Variants in IFIT3 observed in about 807,000 individuals in gnomAD.
IFIT3 encodes interferon induced protein with tetratricopeptide repeats 3.
IFIT3 carries 2 observed loss-of-function variants against 2.4 expected under a neutral mutation model. The ratio of observed to expected loss-of-function variants is 0.82; its 90% CI spans 0.34 to 2.60. IFIT3 has a LOEUF of 2.60. Among genes scored for constraint, IFIT3 ranks in the 30% most tolerant of loss-of-function variants. IFIT3 has a pLI of 0.11. For missense variants in IFIT3, 481 were observed against 562.4 expected, an observed-to-expected ratio of 0.86 and a Z score of 1.46; for synonymous variants, 203 against 212.1, an observed-to-expected ratio of 0.96 and a Z score of 0.37.
intron 1 of IFIT3, chr10:89,332,587 AC>A: frequency 6.2e-7 from 1 of 1,613,926 alleles, no homozygotes; most frequent in Non-Finnish European, 8.5e-7. Flanking sequence ...ATCAACCGGG[AC>A]CCCAGCTTTT....
intron 1 of IFIT3, among the ~76,000 whole-genome samples, chr10:89,333,292 A>C (rs915172490): frequency 5.3e-5 from 8 of 152,212 alleles, no homozygotes; most frequent in African/African-American, 1.9e-4. Context: ...AATAGAATGC[A>C]AATTTCTAGG....
intron 1 of IFIT3, among the ~76,000 whole-genome samples, chr10:89,334,437 C>T (rs931693345): frequency 2.0e-5 from 3 of 147,228 alleles, no homozygotes; most frequent in Admixed American, 6.8e-5. Context: ...CAAGTTTCAC[C>T]TGAACCTAGC....
chr10:89,335,676 A>G (rs1843726555), intron 1 of IFIT3: 1 of 33,374 alleles, frequency 3.0e-5, no homozygotes, highest in Non-Finnish European at 5.5e-5. Flanking sequence ...GATACTCTCT[A>G]TTAATTACTA....
intron 1 of IFIT3, chr10:89,332,390 G>A: frequency 1.0e-6 from 1 of 998,616 alleles, no homozygotes; most frequent in Non-Finnish European, 1.4e-6. Context: ...AAATCTGTCT[G>A]GAACATGTTC....
Position 89,339,277 on chromosome 10 carries a change from T to A in IFIT3, c.622T>A (p.Tyr208Asn). The change falls in exon 2 of 2, where the codon TAC becomes AAC. Residue 208 changes from tyrosine (Y) to asparagine (N), a missense_variant. Transcript: ENST00000371818. The stretch of plus-strand genomic sequence containing the variant: ...CATTGAGCTGAGTCCTGATAACCAA[T>A]ACGTCAAGGTTCTCTTGGGCCTGAA... ...QAIELSPDNQ[Y>N]VKVLLGLKLQ... The A allele has an allele frequency of 6.2e-7, 1 of 1,614,150 alleles. No individual in the cohort carries two copies. The highest frequency in any genetic ancestry group is 1.1e-5 in the South Asian group (1 of 91,078).
intron 1 of IFIT3, among the ~76,000 whole-genome samples, chr10:89,335,936 T>C (rs1427735957): frequency 2.0e-5 from 3 of 152,172 alleles, no homozygotes; most frequent in Non-Finnish European, 2.9e-5. Flanking sequence ...TTTTGACTTG[T>C]AGTCCTTCAT....
chr10:89,330,593 A>G (rs1287271164), intron 1 of IFIT3, among the ~76,000 whole-genome samples: 1 of 152,252 alleles, frequency 6.6e-6, no homozygotes, highest in Non-Finnish European at 1.5e-5. Context: ...TCCCCAGGGC[A>G]TAATTTTCTA....
chr10:89,336,154 G>A (rs994225141), intron 1 of IFIT3, among the ~76,000 whole-genome samples: 2 of 140,090 alleles, frequency 1.4e-5, no homozygotes, highest in Non-Finnish European at 3.1e-5. Flanking sequence ...AATAGGGAGG[G>A]AGGAAGGGAG....
intron 1 of IFIT3, among the ~76,000 whole-genome samples, chr10:89,337,116 G>T (rs945925377): frequency 6.6e-6 from 1 of 152,114 alleles, no homozygotes; most frequent in Non-Finnish European, 1.5e-5. Context: ...AGCCTCCGTG[G>T]GTCTGTTTGT....
At chr10:89,328,627 A>G (rs1843621758) in intron 1 of IFIT3, among the ~76,000 whole-genome samples, 1 of 152,220 alleles carries the variant, frequency 6.6e-6, no homozygotes, top group Non-Finnish European at 1.5e-5. Flanking sequence ...GCATTACTTT[A>G]AGGTGGGAAG....
In IFIT3 at chr10:89,339,128, G is replaced by A; in HGVS notation, c.473G>A (p.Cys158Tyr). Reference sequence around the variant, plus strand: ...GGAAGAAATGAAAGGGCGAAGGTGTGTTTTGAGAAGGCTCTGGAAGAAAAG... The same window carrying A: ...GGAAGAAATGAAAGGGCGAAGGTGTATTTTGAGAAGGCTCTGGAAGAAAAG... ...KCGRNERAKV[C>Y]FEKALEEKPN... is the part of the protein sequence containing the mutation. The change falls in exon 2 of 2, where the codon TGT becomes TAT. Residue 158 changes from cysteine to tyrosine, a missense_variant. Physicochemically the swap from Cys to Tyr is radical, Grantham distance 194. Transcript: ENST00000371818. The A allele has an allele frequency of 6.2e-7, 1 of 1,614,140 alleles. No homozygotes were observed. The highest frequency in any genetic ancestry group is 8.5e-7 in the Non-Finnish European group (1 of 1,180,018).
chr10:89,335,807 C>T (rs1843729553), intron 1 of IFIT3, among the ~76,000 whole-genome samples: 1 of 152,184 alleles, frequency 6.6e-6, no homozygotes, highest in African/African-American at 2.4e-5. Context: ...GCAAAGTTAA[C>T]TCATGTTTCC....
intron 1 of IFIT3, among the ~76,000 whole-genome samples, chr10:89,333,457 G>A (rs1299826141): frequency 1.3e-5 from 2 of 152,124 alleles, no homozygotes; most frequent in Non-Finnish European, 2.9e-5. Flanking sequence ...TGCATACAAG[G>A]CTTCCTGCAT....
rs116926108 is a variant in IFIT3 at position 89,339,980 on chromosome 10, T to G, written c.1325T>G (p.Leu442Arg). 2,258 of 1,614,226 alleles carry G rather than the reference T, an allele frequency of 1.4e-3. 3 individuals are homozygous for G. Among genetic ancestry groups the G allele is most frequent in the Non-Finnish European group, 1.8e-3 (2,103 of 1,180,040 alleles). ...GCAGCCAAATGTTATGAGAAGGAAC[T>G]GGGCCGCCTGCTAAGGGATGCCCCT... ...LQAAKCYEKELGRLLRDAPSG... is the reference protein window; with the variant it reads ...LQAAKCYEKERGRLLRDAPSG... The change falls in exon 2 of 2, where the codon CTG becomes CGG. Residue 442 changes from leucine to arginine, a missense_variant. By Grantham distance (102) the Leu-to-Arg change is moderately radical. Transcript: ENST00000371818.
At chr10:89,333,307 G>A (rs1378305776) in intron 1 of IFIT3, among the ~76,000 whole-genome samples, 1 of 152,132 alleles carries the variant, frequency 6.6e-6, no homozygotes, top group East Asian at 1.9e-4. Context: ...TCTAGGTCCT[G>A]CATTCTGAAA....
intron 1 of IFIT3, among the ~76,000 whole-genome samples, chr10:89,333,253 G>A (rs1467757232): frequency 6.6e-6 from 1 of 152,238 alleles, no homozygotes; most frequent in South Asian, 2.1e-4. Flanking sequence ...TTCTGCGAGT[G>A]GCCTGAATCA....
intron 1 of IFIT3, among the ~76,000 whole-genome samples, chr10:89,330,369 G>A (rs918164587): frequency 1.3e-5 from 2 of 152,210 alleles, no homozygotes; most frequent in African/African-American, 2.4e-5. Context: ...ATTAATGGAG[G>A]CACCAAACTC....
chr10:89,339,121 A>G lies in IFIT3; in HGVS notation c.466A>G (p.Lys156Glu). ...GAAGTGTGGAAGAAATGAAAGGGCG[A>G]AGGTGTGTTTTGAGAAGGCTCTGGA... The part of the protein sequence containing the change: ...QLKCGRNERA[K>E]VCFEKALEEK... The change falls in exon 2 of 2, where the codon AAG becomes GAG. Residue 156 changes from lysine (K) to glutamate (E), a missense_variant. Physicochemically the swap from Lys to Glu is moderately conservative, Grantham distance 56. Transcript: ENST00000371818. 2 of 1,614,116 alleles carry G rather than the reference A, an allele frequency of 1.2e-6. No individual in the cohort carries two copies. Among genetic ancestry groups the G allele is most frequent in the Non-Finnish European group, 1.7e-6 (2 of 1,180,016 alleles).
Position 89,328,006 on chromosome 10 carries a change from A to T in IFIT3, c.-68A>T. 1 of 1,581,546 alleles carries T rather than the reference A, an allele frequency of 6.3e-7. No homozygotes were observed. The highest frequency in any genetic ancestry group is 1.3e-5 in the African/African-American group (1 of 74,366). On this transcript the variant is annotated 5_prime_UTR_variant, in exon 1 of 2. Coordinates refer to ENST00000371818, the MANE Select transcript of IFIT3 (RefSeq NM_001549.6). ...TCAGTATTTACTTGAGGCAGACAGG[A>T]AGACTTCTGAAGAACAAATCAGCCT...
Sources: gnomAD v4.1 joint callset for allele counts (sites outside exome capture counted in the v4.1 genomes callset) on GRCh38, gnomAD v4.1.1 for gene constraint, MANE v1.5 for transcripts, NCBI Gene and HGNC (gene_info 2026-07-23, HGNC 2026-07-21) for gene names.